Variants in SHROOM3 observed in about 807,000 individuals in gnomAD.
SHROOM3 encodes the protein protein Shroom3.
SHROOM3 carries 47 observed loss-of-function variants against 138.6 expected under a neutral mutation model. The ratio of observed to expected loss-of-function variants is 0.34; its 90% CI spans 0.27 to 0.43. SHROOM3 has a LOEUF of 0.43. Among genes scored for constraint, SHROOM3 ranks in the 20% least tolerant of loss-of-function variants. SHROOM3 has a pLI of 1.00. For missense variants in SHROOM3, 2,491 were observed against 2,596.5 expected (o/e 0.96, Z 0.88); for synonymous variants, 1,062 against 1,063.3 (o/e 1.00, Z 0.02).
intron 1 of SHROOM3, among the ~76,000 whole-genome samples, chr4:76,455,228 G>A (rs1731004843): frequency 6.6e-6 from 1 of 151,972 alleles, no homozygotes; most frequent in South Asian, 2.1e-4. Context: ...TGATTTCAGA[G>A]GAAAAGCTTT....
At chr4:76,736,160 G>C (rs942954545) in intron 4 of SHROOM3, among the ~76,000 whole-genome samples, 1 of 151,920 alleles carries the variant, frequency 6.6e-6, no homozygotes, top group African/African-American at 2.4e-5. Flanking sequence ...GGTCATACAG[G>C]ATTATCCACA....
intron 1 of SHROOM3, among the ~76,000 whole-genome samples, chr4:76,450,289 G>A (rs180805298): frequency 2.4e-4 from 37 of 152,296 alleles, no homozygotes; most frequent in Non-Finnish European, 3.1e-4. Context: ...TTGCAAGTGG[G>A]AATGTAAAAT....
intron 9 of SHROOM3, among the ~76,000 whole-genome samples, chr4:76,767,494 A>G (rs772337079): frequency 6.6e-6 from 1 of 152,198 alleles, no homozygotes; most frequent in Non-Finnish European, 1.5e-5. Context: ...CCTGACCAAC[A>G]TGGTGAAACC....
intron 2 of SHROOM3, chr4:76,688,448 A>G (rs1719403762): frequency 3.0e-6 from 3 of 985,234 alleles, no homozygotes; most frequent in African/African-American, 1.7e-5. Flanking sequence ...GTCTATATGC[A>G]TATTTATTAC....
At chr4:76,634,245 G>A (rs1475220350) in intron 2 of SHROOM3, among the ~76,000 whole-genome samples, 1 of 152,070 alleles carries the variant, frequency 6.6e-6, no homozygotes, top group Non-Finnish European at 1.5e-5. Flanking sequence ...CTCTTACTTC[G>A]TGCATAGAAT....
At chr4:76,607,238 G>A (rs1734641365) in intron 2 of SHROOM3, among the ~76,000 whole-genome samples, 1 of 152,116 alleles carries the variant, frequency 6.6e-6, no homozygotes, top group South Asian at 2.1e-4. Flanking sequence ...GTCCTTCTGG[G>A]TCTAGGAGAT....
At chr4:76,561,431 C>CGTGAGAATCTAGGCTAGA (rs973044958) in intron 2 of SHROOM3, among the ~76,000 whole-genome samples, 1 of 151,978 alleles carries the variant, frequency 6.6e-6, no homozygotes, top group East Asian at 1.9e-4. Flanking sequence ...AGGTGGCTAG[C>CGTGAGAATCTAGGCTAGA]GTGAGAATCT....
At chr4:76,681,625 G>GTGTGTGTGTGTGTGTGTGTGTA (rs150048957) in intron 2 of SHROOM3, among the ~76,000 whole-genome samples, 62 of 117,932 alleles carry the variant, frequency 5.3e-4, no homozygotes, top group African/African-American at 1.7e-3. Context: ...GTGTGTGTGT[G>GTGTGTGTGTGTGTGTGTGTGTA]TGTGTGTGTA....
chr4:76,543,811 G>A (rs1394464867), intron 1 of SHROOM3, among the ~76,000 whole-genome samples: 2 of 152,194 alleles, frequency 1.3e-5, no homozygotes, highest in African/African-American at 4.8e-5. Flanking sequence ...ATGAAAAAAA[G>A]CATTTCCTCT....
intron 2 of SHROOM3, among the ~76,000 whole-genome samples, chr4:76,665,544 C>T (rs934613985): frequency 6.6e-6 from 1 of 152,282 alleles, no homozygotes; most frequent in South Asian, 2.1e-4. Flanking sequence ...CTGGACTGTT[C>T]TATGGATTTG....
At chr4:76,555,836 G>A in intron 2 of SHROOM3, 73 bp downstream of exon 2, 1 of 1,542,420 alleles carries the variant, frequency 6.5e-7, no homozygotes, top group South Asian at 1.1e-5. Context: ...CCCCACCTCT[G>A]GGAAAAGAGC....
chr4:76,459,727 G>A (rs1731103061), intron 1 of SHROOM3, among the ~76,000 whole-genome samples: 1 of 152,054 alleles, frequency 6.6e-6, no homozygotes, highest in Non-Finnish European at 1.5e-5. Flanking sequence ...AGGATTCTCG[G>A]TGCCTTTGCT....
chr4:76,576,364 G>A (rs1290080340), intron 2 of SHROOM3, among the ~76,000 whole-genome samples: 2 of 152,122 alleles, frequency 1.3e-5, no homozygotes, highest in African/African-American at 4.8e-5. Context: ...AGATCAAACT[G>A]GAGATCACTA....
rs560188574 is a variant in SHROOM3 at position 76,548,745 on chromosome 4, A to C, written c.169-6864A>C. Among the ~76,000 whole-genome samples, 47 of 152,342 alleles carry C rather than the reference A, an allele frequency of 3.1e-4. No homozygotes were observed. In the East Asian group the frequency reaches 8.1e-3, roughly 26 times the overall value. On this transcript the variant is annotated intron_variant, in intron 1 of 10. Coordinates refer to ENST00000296043, the MANE Select transcript of SHROOM3 (RefSeq NM_020859.4). ...GTCAGAAAAGTAACACTGTGTCATC[A>C]AAGCAAAGTCGACTTCTCCTATAGG...
rs11368349 is a variant in SHROOM3, at chr4:76,680,142, C to CTT, written c.324-29999_324-29998dup. On this transcript the variant is annotated intron_variant, in intron 2 of 10. Transcript: ENST00000296043. ...GTTTGGATTGCAGCTTGACCTATAC[C>CTT]TTTTTTTTTTTTTTTTGAGACGGAG... Among the ~76,000 whole-genome samples, 44 of 138,686 alleles carry CTT rather than the reference C, an allele frequency of 3.2e-4. 1 individual carries two copies. The highest frequency in any genetic ancestry group is 5.0e-4 in the Non-Finnish European group (32 of 64,568). The allele number at this position is 138,686 out of a possible 152,430, so 91.0% of individuals were successfully genotyped here. A position where few individuals can be genotyped will look rare whatever the true frequency, so the allele number is the denominator to read the frequency against.
intron 2 of SHROOM3, among the ~76,000 whole-genome samples, chr4:76,581,036 C>A (rs570060230): frequency 2.0e-5 from 3 of 152,038 alleles, no homozygotes; most frequent in Non-Finnish European, 4.4e-5. Flanking sequence ...TGAAATGGAT[C>A]ATTAATAATG....
chr4:76,727,841 T>C (rs1720754868), intron 3 of SHROOM3, among the ~76,000 whole-genome samples: 1 of 139,578 alleles, frequency 7.2e-6, no homozygotes, highest in African/African-American at 2.6e-5. Context: ...TGAGCCAAGA[T>C]TGTGCCATTG....
chr4:76,451,969 T>G (rs1172738702), intron 1 of SHROOM3, among the ~76,000 whole-genome samples: 1 of 152,062 alleles, frequency 6.6e-6, no homozygotes, highest in Admixed American at 6.6e-5. Flanking sequence ...AGCCTCCGAG[T>G]AGCTGGGACT....
intron 1 of SHROOM3, among the ~76,000 whole-genome samples, chr4:76,471,906 C>T (rs1173643357): frequency 2.6e-5 from 4 of 152,058 alleles, no homozygotes; most frequent in Non-Finnish European, 5.9e-5. Context: ...TTTGCAGTCT[C>T]TGGAGTCAGA....
Sources: gnomAD v4.1 joint callset for allele counts (sites outside exome capture counted in the v4.1 genomes callset) on GRCh38, gnomAD v4.1.1 for gene constraint, MANE v1.5 for transcripts, NCBI Gene and HGNC (gene_info 2026-07-23, HGNC 2026-07-21) for gene names.